ATE1: variants seen among roughly 807,000 people sequenced by gnomAD.
ATE1 encodes arginyltransferase 1.
Under a neutral mutation model 70.5 loss-of-function variants are expected in ATE1, and 36 were observed. The observed-to-expected ratio is 0.51, with a 90% CI of 0.39 to 0.67. The LOEUF is 0.67. Ranked by LOEUF, ATE1 falls within the 30% of genes least tolerant of loss-of-function variation. ATE1 has a pLI of 0.00. For missense variants in ATE1, 593 were observed against 629.5 expected (o/e 0.94, Z 0.62); for synonymous variants, 232 against 219.3 (o/e 1.06, Z -0.51).
At chr10:121,891,464 T>C (rs553379611) in intron 7 of ATE1, among the ~76,000 whole-genome samples, 2 of 152,154 alleles carry the variant, frequency 1.3e-5, no homozygotes, top group Non-Finnish European at 2.9e-5. Flanking sequence ...TGCATTTACA[T>C]ATAAAAGCTT....
chr10:121,875,138 CAAAAAAAAA>C lies in ATE1; in HGVS notation c.943-5109_943-5101del, dbSNP rs1276048988. 3.0e-4 allele frequency among the ~76,000 whole-genome samples: 24 copies of C among 79,386 alleles called. No homozygotes were observed. In the East Asian group the frequency reaches 9.0e-3, roughly 30 times the overall value. 52.1% of individuals were successfully genotyped at this position (79,386 alleles called of 152,430 possible). On this transcript the variant is annotated intron_variant, in intron 7 of 11. Transcript: ENST00000224652. ...TGGGCGACAGACTGAGACTCCGTCT[CAAAAAAAAA>C]AAAAAAAAAAAGACAACAAAAATCT...
chr10:121,836,203 T>A (rs1590434234), intron 10 of ATE1, among the ~76,000 whole-genome samples: 1 of 152,086 alleles, frequency 6.6e-6, no homozygotes, highest in African/African-American at 2.4e-5. Flanking sequence ...AAAACCCATG[T>A]CCTCCTAGGC....
chr10:121,908,243 C>T (rs1050042887), intron 5 of ATE1, among the ~76,000 whole-genome samples: 3 of 152,186 alleles, frequency 2.0e-5, no homozygotes, highest in African/African-American at 7.2e-5. Flanking sequence ...GTGGCTCACT[C>T]CTGTAATCCC....
At chr10:121,819,296 A>G (rs1267875430) in intron 10 of ATE1, among the ~76,000 whole-genome samples, 1 of 152,118 alleles carries the variant, frequency 6.6e-6, no homozygotes. Flanking sequence ...AATAGCTATA[A>G]AGATAACGCA....
intron 11 of ATE1, among the ~76,000 whole-genome samples, chr10:121,783,362 T>C (rs2135968419): frequency 6.6e-6 from 1 of 152,294 alleles, no homozygotes; most frequent in South Asian, 2.1e-4. Flanking sequence ...ATAAAGCTCC[T>C]TAAAATAGAA....
intron 11 of ATE1, among the ~76,000 whole-genome samples, chr10:121,777,115 C>T (rs1564828874): frequency 6.6e-6 from 1 of 152,234 alleles, no homozygotes; most frequent in Non-Finnish European, 1.5e-5. Context: ...GAATTTCCCA[C>T]TTCACATACA....
intron 6 of ATE1, 108 bp from the exon 7 acceptor site, chr10:121,900,102 T>C (rs1230694557): frequency 1.7e-5 from 20 of 1,185,192 alleles, no homozygotes; most frequent in Non-Finnish European, 1.0e-5. Flanking sequence ...TCAACAATTA[T>C]TAAAGCACCT....
chr10:121,899,339 G>A (rs1364705771), intron 7 of ATE1, among the ~76,000 whole-genome samples: 1 of 151,984 alleles, frequency 6.6e-6, no homozygotes, highest in Non-Finnish European at 1.5e-5. Context: ...TTTTTCTTGG[G>A]TCATTTAACT....
intron 8 of ATE1, among the ~76,000 whole-genome samples, chr10:121,854,069 A>G (rs1335884488): frequency 2.0e-5 from 3 of 152,192 alleles, no homozygotes; most frequent in Non-Finnish European, 4.4e-5. Flanking sequence ...CAACATTCAG[A>G]CTACAGCACT....
intron 11 of ATE1, among the ~76,000 whole-genome samples, chr10:121,747,998 T>C (rs1307916155): frequency 6.6e-6 from 1 of 152,166 alleles, no homozygotes; most frequent in African/African-American, 2.4e-5. Context: ...TAGAGTCTCA[T>C]ACAAATAAAA....
At chr10:121,912,183 C>A (rs1483392578) in intron 4 of ATE1, among the ~76,000 whole-genome samples, 5 of 152,080 alleles carry the variant, frequency 3.3e-5, no homozygotes, top group African/African-American at 1.2e-4. Flanking sequence ...AGCCACCACA[C>A]CCGGCCCCGA....
At chr10:121,888,316 C>G (rs1950471380) in intron 7 of ATE1, among the ~76,000 whole-genome samples, 1 of 152,080 alleles carries the variant, frequency 6.6e-6, no homozygotes, top group Admixed American at 6.6e-5. Flanking sequence ...ATGGCATGAA[C>G]CTGGGAGGCA....
intron 11 of ATE1, among the ~76,000 whole-genome samples, chr10:121,751,075 C>T (rs1944558493): frequency 6.6e-6 from 1 of 152,174 alleles, no homozygotes; most frequent in South Asian, 2.1e-4. Context: ...AATAACAAGG[C>T]TCCCAGCCCA....
chr10:121,901,124 G>A (rs147786393), intron 6 of ATE1, among the ~76,000 whole-genome samples: 47 of 152,090 alleles, frequency 3.1e-4, no homozygotes, highest in Non-Finnish European at 3.1e-4. Flanking sequence ...GAAATTAGCC[G>A]GGCGTAGTGG....
chr10:121,797,302 C>G (rs890151959), intron 10 of ATE1, among the ~76,000 whole-genome samples: 1 of 152,080 alleles, frequency 6.6e-6, no homozygotes, highest in Non-Finnish European at 1.5e-5. Context: ...TTCCAGCAAG[C>G]CCTAGTGATC....
At chr10:121,791,073 T>C (rs1462431551) in intron 10 of ATE1, among the ~76,000 whole-genome samples, 1 of 55,346 alleles carries the variant, frequency 1.8e-5, no homozygotes, top group African/African-American at 5.4e-5. Flanking sequence ...TGTGTGTGTG[T>C]GTGTGTGTGT....
chr10:121,874,332 A>C (rs1949959165), intron 7 of ATE1, among the ~76,000 whole-genome samples: 1 of 152,238 alleles, frequency 6.6e-6, no homozygotes, highest in Non-Finnish European at 1.5e-5. Flanking sequence ...TTTTATGTAA[A>C]GAATGTCTCT....
chr10:121,781,193 A>G (rs1325961452), intron 11 of ATE1, among the ~76,000 whole-genome samples: 1 of 151,718 alleles, frequency 6.6e-6, no homozygotes, highest in East Asian at 1.9e-4. Flanking sequence ...TTTCTGTATT[A>G]GATACCTCTT....
At chr10:121,795,550 C>G (rs2133326879) in intron 10 of ATE1, among the ~76,000 whole-genome samples, 1 of 152,324 alleles carries the variant, frequency 6.6e-6, no homozygotes, top group South Asian at 2.1e-4. Context: ...CTCAGTTTAT[C>G]TCACTCGAAG....
Sources: allele counts gnomAD v4.1 joint callset (sites outside exome capture counted in the v4.1 genomes callset), GRCh38; gene constraint gnomAD v4.1.1; transcripts MANE v1.5; gene names NCBI Gene and HGNC (gene_info 2026-07-23, HGNC 2026-07-21).